ZNF367: variants seen among roughly 807,000 people sequenced by gnomAD.
ZNF367 encodes the protein zinc finger protein 367, also known as C2H2 zinc finger protein ZFF29.
In ZNF367, 11 loss-of-function variants were observed where a neutral mutation model predicts 31.8. That is an observed-to-expected ratio of 0.35 (90% CI 0.22 to 0.57). The LOEUF (loss-of-function observed/expected upper bound fraction) is 0.57. Among genes scored for constraint, ZNF367 ranks in the 20% least tolerant of loss-of-function variants. The pLI is 0.85. For missense variants in ZNF367, 353 were observed against 484.1 expected, an observed-to-expected ratio of 0.73 and a Z score of 2.54; for synonymous variants, 199 against 202.4, an observed-to-expected ratio of 0.98 and a Z score of 0.14.
At position 96,418,329 on chromosome 9, in the gene ZNF367, C is replaced by G; in HGVS notation, c.-297G>C. On this transcript the variant is annotated 5_prime_UTR_variant, in exon 1 of 5. Coordinates refer to ENST00000375256, the MANE Select transcript of ZNF367 (RefSeq NM_153695.4). ...CTTGCGGTGACAGGAAAGCAGGACG[C>G]GCGGCGCTGAGCCCCCAAAAATAAC... 2 of 375,402 alleles carry G rather than the reference C, an allele frequency of 5.3e-6. No individual in the cohort carries two copies. Among genetic ancestry groups the G allele is most frequent in the Non-Finnish European group, 9.4e-6 (2 of 213,012 alleles). The allele number at this position is 375,402 out of a possible 1,614,324, so 23.3% of individuals were successfully genotyped here. A position where few individuals can be genotyped will look rare whatever the true frequency, so the allele number is the denominator to read the frequency against.
Position 96,401,842 on chromosome 9 carries a change from T to A in ZNF367, c.421-3528A>T, listed in dbSNP as rs574116025. On this transcript the variant is annotated intron_variant, in intron 1 of 4. Transcript: ENST00000375256. ...GATGCCATCTCCAAAAAAAAAAAAA[T>A]TTTTAAATTAGCAAGGTGCAGTGGT... is the stretch of plus-strand genomic sequence containing the variant. Among the ~76,000 whole-genome samples the A allele has an allele frequency of 3.3e-4, 47 of 141,840 alleles. 1 individual carries two copies. In the East Asian group the frequency reaches 3.9e-3, roughly 12 times the overall value. 93.1% of individuals were successfully genotyped at this position (141,840 alleles called of 152,430 possible).
chr9:96,413,718 C>T (rs372279493), intron 1 of ZNF367, among the ~76,000 whole-genome samples: 5 of 152,228 alleles, frequency 3.3e-5, no homozygotes, highest in South Asian at 2.1e-4. Context: ...GCTAAGCACT[C>T]GTGTGATGAG....
In ZNF367 at chr9:96,417,294, TCGGAACTGAG is replaced by T. The variant is rs546330617; in HGVS notation, c.420+309_420+318del. On this transcript the variant is annotated intron_variant, in intron 1 of 4. Coordinates refer to ENST00000375256, the MANE Select transcript of ZNF367 (RefSeq NM_153695.4). The surrounding 1 kb of genome is among the most constrained non-coding windows in gnomAD (Gnocchi z 5.0). ...AGGCCCTCATCCCTCTCGTTTCCTC[TCGGAACTGAG>T]GACTCGGCAGCCCGCCGGGAGGATG... Among the ~76,000 whole-genome samples, 4 of 152,144 alleles carry T rather than the reference TCGGAACTGAG, an allele frequency of 2.6e-5. No homozygotes were observed. The East Asian group carries it at 7.7e-4, about 29-fold the overall frequency.
chr9:96,410,249 ACT>A (rs34408147), intron 1 of ZNF367, among the ~76,000 whole-genome samples: 3,749 of 134,562 alleles, frequency 0.028, 69 homozygotes, highest in Middle Eastern at 0.081. Context: ...ACAGAGTGAA[ACT>A]CTGTCTCAAA....
Position 96,417,711 on chromosome 9 carries a change from C to G in ZNF367, c.322G>C (p.Gly108Arg). 5.0e-6 allele frequency: 6 copies of G among 1,207,304 alleles called. No individual in the cohort carries two copies. Among genetic ancestry groups the G allele is most frequent in the Non-Finnish European group, 6.2e-6 (6 of 969,672 alleles). 74.8% of individuals were successfully genotyped at this position (1,207,304 alleles called of 1,614,324 possible). Residue 108 changes from glycine (G) to arginine (R), a missense_variant, in exon 1 of 5, where the codon GGC becomes CGC. Physicochemically the swap from Gly to Arg is moderately radical, Grantham distance 125. Around this residue, in one of 5 missense-constraint regions of ZNF367, gnomAD observed 70 missense variants for 57.1 expected, o/e 1.23. Transcript: ENST00000375256. The surrounding 1 kb of genome is among the most constrained non-coding windows in gnomAD (Gnocchi z 5.0). ...GCGGCGGGCGGGGGCGCGCCCCGGCCACGAAGCCCCGAGTGCTCGGCGGCT... is the reference window on the plus strand; with the variant it reads ...GCGGCGGGCGGGGGCGCGCCCCGGCGACGAAGCCCCGAGTGCTCGGCGGCT... ...AAAAEHSGLR[G>R]RGAPPPAASA...
At chr9:96,400,955 A>G (rs35609766) in intron 1 of ZNF367, among the ~76,000 whole-genome samples, 4,245 of 152,330 alleles carry the variant, frequency 0.028, 76 homozygotes, top group Middle Eastern at 0.058. Flanking sequence ...GATAAGCACC[A>G]TGGCTCAAGC....
At chr9:96,407,504 C>T (rs767214788) in intron 1 of ZNF367, 5 of 1,282,596 alleles carry the variant, frequency 3.9e-6, no homozygotes, top group Non-Finnish European at 3.4e-6. Flanking sequence ...AAGAAAAACA[C>T]CAAACAAAAG....
Position 96,392,484 on chromosome 9 carries a change from G to A in ZNF367, c.744C>T (p.Tyr248=), listed in dbSNP as rs145908858. ...TGGGCTCCTCTCTCTTCAGCCTGGC[G>A]TAGGGGTGCTTCGGACAGTGGCGGT... ...HANRHCPKHP[Y]ARLKREEPTD... The change falls in exon 4 of 5, where the codon TAC becomes TAT. Residue 248 remains tyrosine, a synonymous_variant. Transcript: ENST00000375256. 3.3e-5 allele frequency: 54 copies of A among 1,613,348 alleles called. 1 individual carries two copies. In the East Asian group the frequency reaches 4.2e-4, roughly 13 times the overall value.
At chr9:96,398,710 A>G (rs918680074) in intron 1 of ZNF367, among the ~76,000 whole-genome samples, 1 of 152,246 alleles carries the variant, frequency 6.6e-6, no homozygotes, top group South Asian at 2.1e-4. Flanking sequence ...AACTTGAAAC[A>G]GTAGAAAAGC....
chr9:96,402,978 T>C (rs1831626926), intron 1 of ZNF367, among the ~76,000 whole-genome samples: 1 of 151,746 alleles, frequency 6.6e-6, no homozygotes, highest in Admixed American at 6.6e-5. Context: ...CAACACACTT[T>C]TTTTTTTTTG....
chr9:96,414,434 A>G (rs1831791485), intron 1 of ZNF367, among the ~76,000 whole-genome samples: 1 of 152,238 alleles, frequency 6.6e-6, no homozygotes, highest in Admixed American at 6.5e-5. Flanking sequence ...TTACCTCTGA[A>G]AAGAGGTGTA....
chr9:96,396,654 GAA>G (rs1484460690), intron 2 of ZNF367, among the ~76,000 whole-genome samples: 1 of 151,650 alleles, frequency 6.6e-6, no homozygotes, highest in East Asian at 1.9e-4. Flanking sequence ...AAAGTAAAGA[GAA>G]AGAGGTGAAA....
At chr9:96,406,723 G>C (rs1414403711) in intron 1 of ZNF367, among the ~76,000 whole-genome samples, 1 of 151,658 alleles carries the variant, frequency 6.6e-6, no homozygotes, top group East Asian at 1.9e-4. Context: ...CGTGGGGGCC[G>C]GGCACGGTGG....
intron 1 of ZNF367, among the ~76,000 whole-genome samples, chr9:96,416,454 T>C (rs1296078383): frequency 6.6e-6 from 1 of 152,194 alleles, no homozygotes; most frequent in African/African-American, 2.4e-5. Context: ...AAACCTATAG[T>C]TTTATAACCT....
intron 1 of ZNF367, among the ~76,000 whole-genome samples, chr9:96,415,646 C>T (rs1254859030): frequency 1.3e-5 from 2 of 150,924 alleles, no homozygotes; most frequent in Non-Finnish European, 3.0e-5. Flanking sequence ...TACGGGCGCC[C>T]GCCACCACGT....
At position 96,413,835 on chromosome 9, in the gene ZNF367, C is replaced by T. The variant is rs1241867401; in HGVS notation, c.420+3778G>A. ...TGACACAGGGTGTGCAGGACTCAGACGCTGACACCTCCCCTGGGAGAAGTG... is the reference window on the plus strand; with the variant it reads ...TGACACAGGGTGTGCAGGACTCAGATGCTGACACCTCCCCTGGGAGAAGTG... On this transcript the variant is annotated intron_variant, in intron 1 of 4. Coordinates refer to ENST00000375256, the MANE Select transcript of ZNF367 (RefSeq NM_153695.4). 2.0e-5 allele frequency among the ~76,000 whole-genome samples: 3 copies of T among 152,250 alleles called. No individual in the cohort carries two copies. The South Asian group carries it at 6.2e-4, about 32-fold the overall frequency.
At chr9:96,411,203 T>C (rs757275988) in intron 1 of ZNF367, among the ~76,000 whole-genome samples, 5 of 151,324 alleles carry the variant, frequency 3.3e-5, no homozygotes, top group Non-Finnish European at 7.4e-5. Flanking sequence ...AAAAAAACCT[T>C]AGTGATACAA....
At chr9:96,415,902 A>C (rs1475992528) in intron 1 of ZNF367, among the ~76,000 whole-genome samples, 2 of 151,858 alleles carry the variant, frequency 1.3e-5, no homozygotes, top group Non-Finnish European at 2.9e-5. Context: ...TCCTGGTCTC[A>C]AGTGATCCTC....
chr9:96,417,458 T>C lies in ZNF367; in HGVS notation c.420+155A>G, dbSNP rs1299572254. 6.7e-6 allele frequency among the ~76,000 whole-genome samples: 1 copy of C among 149,094 alleles called. No individual in the cohort carries two copies. Among genetic ancestry groups the C allele is most frequent in the Non-Finnish European group, 1.5e-5 (1 of 67,350 alleles). On this transcript the variant is annotated intron_variant, in intron 1 of 4. Coordinates refer to ENST00000375256, the MANE Select transcript of ZNF367 (RefSeq NM_153695.4). This position sits in a 1 kb window ranked among gnomAD's most constrained non-coding sequence, Gnocchi z 5.0. ...ACAGGCCCCCCCCGACTGGGGCCGGTTTTTGGCGCGCGGCAGTGACGTCAG... is the reference window on the plus strand; with the variant it reads ...ACAGGCCCCCCCCGACTGGGGCCGGCTTTTGGCGCGCGGCAGTGACGTCAG...
Sources: gnomAD v4.1 joint callset for allele counts (sites outside exome capture counted in the v4.1 genomes callset) on GRCh38, gnomAD v4.1.1 for gene constraint, gnomAD v4.1.1 regional missense constraint, Gnocchi (gnomAD v3.1) non-coding constraint, MANE v1.5 for transcripts, NCBI Gene and HGNC (gene_info 2026-07-23, HGNC 2026-07-21) for gene names.